The following PLCB1 variants were observed in gnomAD, a reference collection of about 807,000 sequenced individuals.
PLCB1 encodes phospholipase C beta 1.
PLCB1 carries 46 observed loss-of-function variants against 161.8 expected under a neutral mutation model. That is an observed-to-expected ratio of 0.28 (90% CI 0.22 to 0.36). The LOEUF (loss-of-function observed/expected upper bound fraction) is 0.36. PLCB1 is among the 10% of genes least tolerant of loss of function. The probability of loss-of-function intolerance (pLI) is 1.00; values close to 1 mark genes in which losing one functional copy is unlikely to be tolerated. For synonymous variants in PLCB1, 517 were observed against 503.7 expected (o/e 1.03, Z -0.35); for missense variants, 1,016 against 1,472.5 (o/e 0.69, Z 5.07).
chr20:8,751,005 G>A (rs894232777), intron 23 of PLCB1: 12 of 417,056 alleles, frequency 2.9e-5, no homozygotes, highest in South Asian at 1.9e-4. Flanking sequence ...GCGCGATCTC[G>A]GCTCACTGCA....
intron 2 of PLCB1, among the ~76,000 whole-genome samples, chr20:8,234,065 A>G (rs992763338): frequency 6.6e-6 from 1 of 152,110 alleles, no homozygotes; most frequent in African/African-American, 2.4e-5. Context: ...CACACATGTA[A>G]AAATTTCTGC....
chr20:8,799,318 C>G (rs1412865077), intron 31 of PLCB1, among the ~76,000 whole-genome samples: 2 of 152,158 alleles, frequency 1.3e-5, no homozygotes, highest in Admixed American at 1.3e-4. Flanking sequence ...GATTTTAACA[C>G]CGGGAATAGG....
intron 31 of PLCB1, among the ~76,000 whole-genome samples, chr20:8,803,008 T>G (rs565809999): frequency 1.1e-4 from 16 of 152,208 alleles, no homozygotes; most frequent in Non-Finnish European, 2.2e-4. Flanking sequence ...CAGTGAGACT[T>G]GTACTGTTTT....
At chr20:8,227,129 G>A (rs1271354318) in intron 2 of PLCB1, among the ~76,000 whole-genome samples, 1 of 152,120 alleles carries the variant, frequency 6.6e-6, no homozygotes, top group Admixed American at 6.6e-5. Flanking sequence ...TGGGTACAGA[G>A]TCTGGATCCC....
At chr20:8,617,900 G>T (rs909944932) in intron 3 of PLCB1, among the ~76,000 whole-genome samples, 1 of 152,098 alleles carries the variant, frequency 6.6e-6, no homozygotes, top group East Asian at 1.9e-4. Context: ...CTAAGATAGT[G>T]TTTGGTATAA....
At chr20:8,632,035 C>CTTTTTTTTTTTTTTTCT (rs1988609182) in intron 4 of PLCB1, among the ~76,000 whole-genome samples, 1 of 45,984 alleles carries the variant, frequency 2.2e-5, no homozygotes, top group Non-Finnish European at 3.7e-5. Flanking sequence ...GTTTTTTTTG[C>CTTTTTTTTTTTTTTTCT]TTTTTTTTTT....
intron 3 of PLCB1, among the ~76,000 whole-genome samples, chr20:8,543,406 C>T (rs1985409545): frequency 6.6e-6 from 1 of 151,850 alleles, no homozygotes; most frequent in African/African-American, 2.4e-5. Context: ...TGTAGCACAG[C>T]CTTAAATGTT....
chr20:8,834,643 C>T (rs1484778354), intron 31 of PLCB1, among the ~76,000 whole-genome samples: 2 of 151,812 alleles, frequency 1.3e-5, no homozygotes, highest in South Asian at 2.1e-4. Context: ...GGTGAAACCC[C>T]ATCTCTATTA....
At chr20:8,464,594 A>G (rs1981727613) in intron 3 of PLCB1, among the ~76,000 whole-genome samples, 1 of 152,214 alleles carries the variant, frequency 6.6e-6, no homozygotes, top group South Asian at 2.1e-4. Context: ...AGGCCAAGGT[A>G]AACAACCTGG....
intron 2 of PLCB1, among the ~76,000 whole-genome samples, chr20:8,276,986 C>CGTATTATTA (rs1982604660): frequency 1.1e-5 from 1 of 93,358 alleles, no homozygotes; most frequent in Non-Finnish European, 2.0e-5. Flanking sequence ...TCTTCTTCTT[C>CGTATTATTA]TTATTATTAT....
intron 3 of PLCB1, among the ~76,000 whole-genome samples, chr20:8,500,259 T>C (rs187242463): frequency 9.2e-5 from 14 of 152,338 alleles, no homozygotes. Flanking sequence ...AAGAGATACC[T>C]TTAAATTATA....
chr20:8,745,594 TTA>T (rs905216925), intron 23 of PLCB1, among the ~76,000 whole-genome samples: 1 of 151,938 alleles, frequency 6.6e-6, no homozygotes, highest in African/African-American at 2.4e-5. Flanking sequence ...ATTATTCAGA[TTA>T]TATTATACAT....
At chr20:8,783,426 T>C (rs775977424) in intron 27 of PLCB1, among the ~76,000 whole-genome samples, 2 of 152,246 alleles carry the variant, frequency 1.3e-5, no homozygotes, top group African/African-American at 2.4e-5. Context: ...ACTTCAATTA[T>C]TATATGAAAA....
intron 2 of PLCB1, among the ~76,000 whole-genome samples, chr20:8,227,897 A>T (rs1351613787): frequency 1.3e-5 from 2 of 152,214 alleles, no homozygotes; most frequent in Non-Finnish European, 2.9e-5. Context: ...CCCAGATTTT[A>T]TCCAAAAATA....
intron 3 of PLCB1, among the ~76,000 whole-genome samples, chr20:8,381,983 G>A (rs961555065): frequency 3.3e-5 from 5 of 151,930 alleles, no homozygotes; most frequent in African/African-American, 1.2e-4. Context: ...GTTATGTCTT[G>A]TCTTCTGCTA....
intron 31 of PLCB1, among the ~76,000 whole-genome samples, chr20:8,797,389 T>A (rs1440838206): frequency 7.1e-6 from 1 of 139,912 alleles, no homozygotes; most frequent in Non-Finnish European, 1.5e-5. Flanking sequence ...TCTGTCATTT[T>A]TTTTCTTTCC....
At chr20:8,150,407 G>A in intron 2 of PLCB1, 36 bp downstream of exon 2, 1 of 930,848 alleles carries the variant, frequency 1.1e-6, no homozygotes, top group Non-Finnish European at 1.7e-6. Context: ...ACATTTTTCA[G>A]TCGTTTACTA....
chr20:8,263,656 T>G (rs1344778327), intron 2 of PLCB1, among the ~76,000 whole-genome samples: 1 of 152,274 alleles, frequency 6.6e-6, no homozygotes, highest in South Asian at 2.1e-4. Flanking sequence ...GGTACAAACT[T>G]GTACAGCATA....
At chr20:8,186,413 A>T (rs1302396150) in intron 2 of PLCB1, among the ~76,000 whole-genome samples, 1 of 152,134 alleles carries the variant, frequency 6.6e-6, no homozygotes, top group East Asian at 1.9e-4. Flanking sequence ...TACTTTTACT[A>T]TATTGTTTAG....
Sources: allele counts gnomAD v4.1 joint callset (sites outside exome capture counted in the v4.1 genomes callset), GRCh38; gene constraint gnomAD v4.1.1; transcripts MANE v1.5; gene names NCBI Gene and HGNC (gene_info 2026-07-23, HGNC 2026-07-21).